RBFOX1: variants seen among roughly 807,000 people sequenced by gnomAD.
RBFOX1 encodes RNA binding fox-1 homolog 1, also known as RNA binding protein fox-1 homolog 1.
A neutral mutation model predicts 57.7 loss-of-function variants in RBFOX1; 8 were observed. The observed-to-expected ratio is 0.14, with a 90% CI of 0.08 to 0.25. RBFOX1 has a LOEUF of 0.25. Ranked by LOEUF, RBFOX1 falls within the 10% of genes least tolerant of loss-of-function variation. The pLI is 1.00. For missense variants in RBFOX1, 611 were observed against 548.5 expected, an observed-to-expected ratio of 1.11 and a Z score of -1.14; for synonymous variants, 326 against 222.4, an observed-to-expected ratio of 1.47 and a Z score of -4.15.
chr16:7,603,259 T>G (rs1249523768), intron 9 of RBFOX1, among the ~76,000 whole-genome samples: 2 of 152,164 alleles, frequency 1.3e-5, no homozygotes, highest in Non-Finnish European at 2.9e-5. Context: ...ATTTGTCTAT[T>G]AGGAAAAACT....
chr16:7,423,357 T>TG (rs2098563639), intron 4 of RBFOX1, among the ~76,000 whole-genome samples: 1 of 150,386 alleles, frequency 6.6e-6, no homozygotes, highest in South Asian at 2.1e-4. Context: ...TAAAAAGTTG[T>TG]GGGGGGTGGG....
At chr16:6,557,803 T>G (rs1173740361) in intron 2 of RBFOX1, among the ~76,000 whole-genome samples, 1 of 152,212 alleles carries the variant, frequency 6.6e-6, no homozygotes, top group Admixed American at 6.5e-5. Flanking sequence ...TATTTCGTGG[T>G]GCAGGACAAA....
intron 3 of RBFOX1, among the ~76,000 whole-genome samples, chr16:5,856,198 T>C (rs1214038213): frequency 3.1e-5 from 2 of 65,330 alleles, no homozygotes; most frequent in South Asian, 5.4e-4. Context: ...TATATATATA[T>C]ATATATATAC....
At chr16:6,437,660 G>C (rs368065080) in intron 2 of RBFOX1, among the ~76,000 whole-genome samples, 2 of 152,194 alleles carry the variant, frequency 1.3e-5, no homozygotes, top group African/African-American at 2.4e-5. Flanking sequence ...TTCACAGGCT[G>C]TATAGGAGGC....
intron 4 of RBFOX1, among the ~76,000 whole-genome samples, chr16:7,105,062 C>G (rs2063336340): frequency 6.6e-6 from 1 of 152,126 alleles, no homozygotes; most frequent in Admixed American, 6.6e-5. Context: ...TTACATTCTT[C>G]TAGCTGAGCC....
In RBFOX1 at chr16:5,552,860, G is replaced by A. The variant is rs79237080; in HGVS notation, c.259-46042G>A. ...TGGGAAACGAGGGAAAAGGGAGAAG[G>A]TCAGCATGTTCCCATCTTGATACCC... On this transcript the variant is annotated intron_variant, in intron 2 of 2. Transcript: ENST00000585867. Among the ~76,000 whole-genome samples the A allele has an allele frequency of 5.6e-3, 859 of 152,116 alleles. 15 individuals are homozygous for A. The highest frequency in any genetic ancestry group is 0.018 in the African/African-American group (763 of 41,472).
Position 7,710,297 on chromosome 16 carries a change from A to C in RBFOX1, c.1072-326A>C, listed in dbSNP as rs574573620. 1.1e-5 allele frequency: 13 copies of C among 1,149,486 alleles called. No individual in the cohort carries two copies. In the African/African-American group the frequency reaches 1.8e-4, roughly 16 times the overall value. 71.2% of individuals were successfully genotyped at this position (1,149,486 alleles called of 1,614,324 possible). ...TTGAATTACATTCAACAACTGGTCC[A>C]AATTCAACCTCAAGTGCAGATTATT... On this transcript the variant is annotated intron_variant, in intron 15 of 15. Coordinates refer to ENST00000550418, the MANE Select transcript of RBFOX1 (RefSeq NM_018723.4).
At chr16:5,466,664 G>T (rs190758187) in intron 1 of RBFOX1, among the ~76,000 whole-genome samples, 2 of 152,288 alleles carry the variant, frequency 1.3e-5, no homozygotes, top group African/African-American at 4.8e-5. Flanking sequence ...GGCTAGATAT[G>T]CTCTGGTCCC....
At chr16:5,414,248 T>A (rs1410713378) in intron 1 of RBFOX1, among the ~76,000 whole-genome samples, 1 of 151,352 alleles carries the variant, frequency 6.6e-6, no homozygotes, top group Non-Finnish European at 1.5e-5. Flanking sequence ...GAGGAGAGAG[T>A]GTTGTTGTAA....
chr16:6,390,823 T>G (rs2092563974), intron 2 of RBFOX1, among the ~76,000 whole-genome samples: 1 of 151,764 alleles, frequency 6.6e-6, no homozygotes, highest in African/African-American at 2.4e-5. Flanking sequence ...GAGGCTGGAG[T>G]GGTTTGGGAA....
At chr16:5,941,219 A>T (rs1339582841) in intron 4 of RBFOX1, among the ~76,000 whole-genome samples, 1 of 152,084 alleles carries the variant, frequency 6.6e-6, no homozygotes, top group East Asian at 1.9e-4. Flanking sequence ...CCCAGGAGTG[A>T]TTGCTCATGT....
At chr16:7,183,578 G>C (rs1451686144) in intron 4 of RBFOX1, among the ~76,000 whole-genome samples, 1 of 151,628 alleles carries the variant, frequency 6.6e-6, no homozygotes, top group Non-Finnish European at 1.5e-5. Flanking sequence ...GCTTGCACAT[G>C]TGTGTATTTT....
chr16:7,082,238 C>T (rs183301247), intron 4 of RBFOX1, among the ~76,000 whole-genome samples: 2 of 152,150 alleles, frequency 1.3e-5, no homozygotes, highest in Non-Finnish European at 2.9e-5. Flanking sequence ...TCAGGAGCTT[C>T]AGTTGTACAG....
At chr16:6,894,532 G>C (rs897900482) in intron 3 of RBFOX1, among the ~76,000 whole-genome samples, 1 of 152,106 alleles carries the variant, frequency 6.6e-6, no homozygotes, top group Non-Finnish European at 1.5e-5. Context: ...CCCAACTAGA[G>C]GTACTCCCAA....
intron 1 of RBFOX1, among the ~76,000 whole-genome samples, chr16:5,297,557 C>G (rs552493545): frequency 6.6e-6 from 1 of 152,176 alleles, no homozygotes; most frequent in East Asian, 1.9e-4. Flanking sequence ...GAAATGTCTA[C>G]TTAGATCTTT....
chr16:7,187,410 C>G (rs772838924), intron 4 of RBFOX1, among the ~76,000 whole-genome samples: 5 of 151,898 alleles, frequency 3.3e-5, no homozygotes, highest in Admixed American at 6.6e-5. Context: ...AAGCCCTTGG[C>G]CAGGCACGGT....
intron 2 of RBFOX1, among the ~76,000 whole-genome samples, chr16:6,507,169 G>A (rs961918043): frequency 3.9e-5 from 6 of 152,064 alleles, no homozygotes; most frequent in African/African-American, 1.2e-4. Context: ...TGCAGAGATG[G>A]CTTCCTAGCC....
intron 4 of RBFOX1, among the ~76,000 whole-genome samples, chr16:7,182,057 C>T (rs544870468): frequency 6.6e-6 from 1 of 152,330 alleles, no homozygotes; most frequent in South Asian, 2.1e-4. Flanking sequence ...ATAATCTTCA[C>T]TGATAAACTG....
At chr16:6,549,824 G>C (rs868744218) in intron 2 of RBFOX1, among the ~76,000 whole-genome samples, 2 of 152,036 alleles carry the variant, frequency 1.3e-5, no homozygotes, top group Non-Finnish European at 2.9e-5. Context: ...AAAGATTTTA[G>C]GTCGATCCTA....
Sources: allele counts gnomAD v4.1 joint callset (sites outside exome capture counted in the v4.1 genomes callset), GRCh38; gene constraint gnomAD v4.1.1; transcripts MANE v1.5; gene names NCBI Gene and HGNC (gene_info 2026-07-23, HGNC 2026-07-21).